ZNF407: variants seen among roughly 807,000 people sequenced by gnomAD.
ZNF407 encodes the protein zinc finger protein 407.
In ZNF407, 17 loss-of-function variants were observed where a neutral mutation model predicts 131.2. The observed-to-expected ratio is 0.13, with a 90% CI of 0.09 to 0.19. The LOEUF (loss-of-function observed/expected upper bound fraction) is 0.19. Among genes scored for constraint, ZNF407 ranks in the 10% least tolerant of loss-of-function variants. The pLI, the probability that ZNF407 is intolerant of heterozygous loss-of-function variation, is 1.00. For missense variants in ZNF407, 2,681 were observed against 2,830.6 expected, an observed-to-expected ratio of 0.95 and a Z score of 1.20; for synonymous variants, 1,156 against 1,062.0, an observed-to-expected ratio of 1.09 and a Z score of -1.72.
intron 3 of ZNF407, among the ~76,000 whole-genome samples, chr18:74,651,165 A>C (rs568643224): frequency 6.6e-6 from 1 of 152,302 alleles, no homozygotes; most frequent in South Asian, 2.1e-4. Flanking sequence ...AGCACATTAA[A>C]AATACCCTGT....
chr18:75,041,313 A>T (rs1046814109), intron 8 of ZNF407, among the ~76,000 whole-genome samples: 1 of 152,182 alleles, frequency 6.6e-6, no homozygotes, highest in African/African-American at 2.4e-5. Context: ...ATTGCCAGTT[A>T]TTATTATGAA....
intron 3 of ZNF407, among the ~76,000 whole-genome samples, 200 bp downstream of exon 3, chr18:74,641,322 A>G (rs1400356548): frequency 6.6e-6 from 1 of 152,176 alleles, no homozygotes; most frequent in Non-Finnish European, 1.5e-5. Flanking sequence ...AAGATGAGCA[A>G]TTTTATGGGC....
chr18:74,887,688 A>G (rs1971328899), intron 6 of ZNF407, among the ~76,000 whole-genome samples: 1 of 152,160 alleles, frequency 6.6e-6, no homozygotes, highest in Admixed American at 6.6e-5. Flanking sequence ...CATCATAATG[A>G]TAAAAGCCAC....
At chr18:74,959,463 A>G (rs180826850) in intron 8 of ZNF407, among the ~76,000 whole-genome samples, 424 of 152,074 alleles carry the variant, frequency 2.8e-3, no homozygotes, top group Non-Finnish European at 5.0e-3. Flanking sequence ...CTTGCATGCA[A>G]CCATCATGCC....
intron 4 of ZNF407, among the ~76,000 whole-genome samples, chr18:74,802,920 G>A (rs1015189907): frequency 3.9e-5 from 6 of 151,906 alleles, no homozygotes; most frequent in Admixed American, 3.9e-4. Context: ...GTGTTTTTTT[G>A]TTGTTGTTTT....
chr18:74,954,347 TTAATC>T (rs1568281784), intron 8 of ZNF407, among the ~76,000 whole-genome samples: 1 of 152,188 alleles, frequency 6.6e-6, no homozygotes, highest in Non-Finnish European at 1.5e-5. Flanking sequence ...ATATATATCT[TTAATC>T]TATATCATAA....
chr18:74,869,951 A>G (rs1397078970), intron 4 of ZNF407, among the ~76,000 whole-genome samples: 1 of 152,208 alleles, frequency 6.6e-6, no homozygotes, highest in Non-Finnish European at 1.5e-5. Flanking sequence ...AATTTCAGCT[A>G]AAATTAATTT....
At chr18:74,678,181 T>A (rs749756469) in intron 3 of ZNF407, among the ~76,000 whole-genome samples, 3 of 152,116 alleles carry the variant, frequency 2.0e-5, no homozygotes, top group African/African-American at 4.8e-5. Context: ...CAGTAATAAC[T>A]TGAGATCTTC....
chr18:74,733,105 T>C (rs1968332225), intron 3 of ZNF407, among the ~76,000 whole-genome samples: 1 of 152,110 alleles, frequency 6.6e-6, no homozygotes, highest in South Asian at 2.1e-4. Flanking sequence ...AAAATACTAG[T>C]TTTTGTCTCT....
At chr18:74,630,295 C>T (rs377534201) in intron 1 of ZNF407, among the ~76,000 whole-genome samples, 5 of 151,840 alleles carry the variant, frequency 3.3e-5, no homozygotes, top group African/African-American at 9.7e-5. Flanking sequence ...CTCAGCCTAC[C>T]GAGTAGCTGG....
chr18:74,833,052 C>T (rs1970507374), intron 4 of ZNF407, among the ~76,000 whole-genome samples: 1 of 152,146 alleles, frequency 6.6e-6, no homozygotes, highest in Non-Finnish European at 1.5e-5. Flanking sequence ...TTGCTGTTCC[C>T]TCAGGATAGT....
chr18:74,623,253 T>G (rs992932849), intron 1 of ZNF407, among the ~76,000 whole-genome samples: 9 of 151,596 alleles, frequency 5.9e-5, no homozygotes, highest in African/African-American at 2.2e-4. Flanking sequence ...TGTGTGCATG[T>G]GAGTGTGTGT....
chr18:75,020,165 G>A (rs58132678), intron 8 of ZNF407, among the ~76,000 whole-genome samples: 3 of 152,108 alleles, frequency 2.0e-5, no homozygotes, highest in Admixed American at 1.3e-4. Flanking sequence ...TATTTTATTA[G>A]TTATTGCTAA....
chr18:74,962,809 G>A lies in ZNF407; in HGVS notation c.5428+42117G>A, dbSNP rs536645601. ...TTACGTGCTCTGTTGAAATCACCTG[G>A]TTGGCTGTCCAGCTCTCCTACTGTA... is the stretch of plus-strand genomic sequence containing the variant. On this transcript the variant is annotated intron_variant, in intron 8 of 8. Coordinates refer to ENST00000299687, the MANE Select transcript of ZNF407 (RefSeq NM_017757.3). 3.3e-4 allele frequency among the ~76,000 whole-genome samples: 50 copies of A among 152,310 alleles called. 3 individuals are homozygous for A. The highest frequency in any genetic ancestry group is 1.2e-3 in the African/African-American group (48 of 41,568).
intron 3 of ZNF407, among the ~76,000 whole-genome samples, chr18:74,678,144 A>G (rs922620573): frequency 6.6e-6 from 1 of 152,044 alleles, no homozygotes; most frequent in African/African-American, 2.4e-5. Flanking sequence ...TTTTAATGTC[A>G]TGGACATTTT....
At chr18:74,630,919 G>A (rs3794943) in intron 1 of ZNF407, 48 bp from the exon 2 acceptor site, 194,977 of 1,357,854 alleles carry the variant, frequency 0.14, 15,606 homozygotes, top group African/African-American at 0.34. Context: ...AGACTAATAC[G>A]TGTGTCTTTA....
chr18:75,012,286 T>TAGCAGGCTCTGGG (rs1568300415), intron 8 of ZNF407, among the ~76,000 whole-genome samples: 1 of 111,142 alleles, frequency 9.0e-6, no homozygotes, highest in Non-Finnish European at 2.0e-5. Context: ...ACATAGTGTA[T>TAGCAGGCTCTGGG]GTACACATAG....
intron 2 of ZNF407, among the ~76,000 whole-genome samples, chr18:74,636,093 G>C (rs150332659): frequency 6.6e-6 from 1 of 152,226 alleles, no homozygotes; most frequent in East Asian, 1.9e-4. Flanking sequence ...TTTAAGGAAT[G>C]GAGTAATCAA....
At chr18:74,678,563 T>C (rs1472703131) in intron 3 of ZNF407, among the ~76,000 whole-genome samples, 1 of 152,182 alleles carries the variant, frequency 6.6e-6, no homozygotes, top group Non-Finnish European at 1.5e-5. Context: ...TTTATCTTCA[T>C]GATTTTCTTT....
Sources: gnomAD v4.1 joint callset for allele counts (sites outside exome capture counted in the v4.1 genomes callset) on GRCh38, gnomAD v4.1.1 for gene constraint, MANE v1.5 for transcripts, NCBI Gene and HGNC (gene_info 2026-07-23, HGNC 2026-07-21) for gene names.